RIN2: variants seen among roughly 807,000 people sequenced by gnomAD.
The protein encoded by RIN2 is Ras and Rab interactor 2.
In RIN2, 36 loss-of-function variants were observed where a neutral mutation model predicts 78.0. The observed-to-expected ratio is 0.46, with a 90% CI of 0.35 to 0.61. The LOEUF (loss-of-function observed/expected upper bound fraction) is 0.61, where lower values mean the gene tolerates loss of function less well. Ranked by LOEUF, RIN2 falls within the 20% of genes least tolerant of loss-of-function variation. RIN2 has a pLI of 0.00. For missense variants in RIN2, 1,087 were observed against 1,159.7 expected (o/e 0.94, Z 0.91); for synonymous variants, 466 against 466.8 (o/e 1.00, Z 0.02).
At chr20:19,836,621 A>G (rs1041404158) in intron 2 of RIN2, among the ~76,000 whole-genome samples, 1 of 152,052 alleles carries the variant, frequency 6.6e-6, no homozygotes, top group Non-Finnish European at 1.5e-5. Context: ...CTCTCCATTT[A>G]TCTAAATCTT....
intron 2 of RIN2, among the ~76,000 whole-genome samples, chr20:19,851,095 A>C (rs2036966768): frequency 6.6e-6 from 1 of 152,020 alleles, no homozygotes; most frequent in South Asian, 2.1e-4. Flanking sequence ...GTAGGAAGGA[A>C]GGAAAGAGAA....
chr20:19,757,938 G>A (rs2033438050), upstream of RIN2: 1 of 152,382 alleles, frequency 6.6e-6, no homozygotes, highest in Non-Finnish European at 1.5e-5. Flanking sequence ...CCTTGTAACA[G>A]GGTAAGCGTA....
At chr20:19,889,872 C>T (rs2038366442) in intron 3 of RIN2, among the ~76,000 whole-genome samples, 1 of 152,150 alleles carries the variant, frequency 6.6e-6, no homozygotes, top group South Asian at 2.1e-4. Flanking sequence ...AGGACTCGGG[C>T]ACGGAGAGGG....
At chr20:19,761,040 G>A (rs1234844945) in intron 1 of RIN2, among the ~76,000 whole-genome samples, 1 of 152,218 alleles carries the variant, frequency 6.6e-6, no homozygotes, top group East Asian at 1.9e-4. Flanking sequence ...GTGTCCCTTT[G>A]TCAAGGCATT....
chr20:19,873,217 T>G (rs373280171), intron 2 of RIN2, among the ~76,000 whole-genome samples: 17 of 152,252 alleles, frequency 1.1e-4, no homozygotes, highest in African/African-American at 4.1e-4. Context: ...CTTGATCTCC[T>G]GGGCTCAGGT....
At chr20:19,862,504 A>G (rs1197473073) in intron 2 of RIN2, among the ~76,000 whole-genome samples, 2 of 152,168 alleles carry the variant, frequency 1.3e-5, no homozygotes, top group African/African-American at 2.4e-5. Context: ...GAGGCAGGAG[A>G]ATCGCTTAAA....
intron 1 of RIN2, among the ~76,000 whole-genome samples, chr20:19,774,230 C>G (rs1244348129): frequency 6.6e-6 from 1 of 152,114 alleles, no homozygotes; most frequent in Non-Finnish European, 1.5e-5. Context: ...CTATCACCCC[C>G]GAGCAGCCAA....
intron 1 of RIN2, among the ~76,000 whole-genome samples, chr20:19,758,757 T>C (rs960659672): frequency 1.3e-5 from 2 of 152,108 alleles, no homozygotes; most frequent in African/African-American, 2.4e-5. Flanking sequence ...GGGCTGCCTG[T>C]GGGGTGTCAA....
rs1158098131 is a variant in RIN2 at position 19,760,829 on chromosome 20, C to A, written c.-163+2502C>A. On this transcript the variant is annotated intron_variant, in intron 1 of 12. Coordinates refer to ENST00000255006, the MANE Select transcript of RIN2 (RefSeq NM_018993.4). ...GTTTCAGCAAGAAAGATTTCCCCGA[C>A]CCTGTCCTCCTTTCCCCAGTAAGAC... Among the ~76,000 whole-genome samples, 4 of 152,312 alleles carry A rather than the reference C, an allele frequency of 2.6e-5. No homozygotes were observed. In the South Asian group the frequency reaches 8.3e-4, roughly 32 times the overall value.
chr20:19,764,516 C>G (rs1173707271), intron 1 of RIN2, among the ~76,000 whole-genome samples: 1 of 152,232 alleles, frequency 6.6e-6, no homozygotes, highest in African/African-American at 2.4e-5. Context: ...CATCATCTTG[C>G]TATCCAGACT....
chr20:19,925,725 T>G (rs1338282203), intron 3 of RIN2, among the ~76,000 whole-genome samples: 1 of 152,234 alleles, frequency 6.6e-6, no homozygotes, highest in Non-Finnish European at 1.5e-5. Context: ...TGCTTAAATG[T>G]TTGATAATAT....
intron 6 of RIN2, among the ~76,000 whole-genome samples, chr20:19,963,673 G>A (rs1286414138): frequency 4.0e-5 from 6 of 151,328 alleles, no homozygotes; most frequent in South Asian, 2.1e-4. Context: ...GAAACACATC[G>A]GATTGAGGAA....
chr20:19,772,879 G>T (rs911270690), intron 1 of RIN2, among the ~76,000 whole-genome samples: 1 of 151,888 alleles, frequency 6.6e-6, no homozygotes, highest in African/African-American at 2.4e-5. Context: ...TCAAACACCA[G>T]GACCTACACT....
intron 2 of RIN2, among the ~76,000 whole-genome samples, chr20:19,811,670 G>C (rs1335220402): frequency 6.6e-6 from 1 of 152,114 alleles, no homozygotes; most frequent in Non-Finnish European, 1.5e-5. Flanking sequence ...GGAGAAATGA[G>C]ATCTTTTCGT....
intron 2 of RIN2, among the ~76,000 whole-genome samples, chr20:19,807,142 G>T (rs1360598520): frequency 1.3e-5 from 2 of 152,244 alleles, no homozygotes; most frequent in Non-Finnish European, 2.9e-5. Context: ...GGAAGCCCAA[G>T]AAACCTTGTA....
chr20:19,936,641 T>G (rs1220315852), intron 4 of RIN2, among the ~76,000 whole-genome samples: 1 of 152,186 alleles, frequency 6.6e-6, no homozygotes, highest in African/African-American at 2.4e-5. Context: ...AAGGACGTTC[T>G]GAACATGTGA....
chr20:19,852,246 A>G (rs2037006193), intron 2 of RIN2, among the ~76,000 whole-genome samples: 1 of 152,186 alleles, frequency 6.6e-6, no homozygotes, highest in Admixed American at 6.5e-5. Flanking sequence ...AGAAGGGTAA[A>G]GAATTGAAGG....
At chr20:19,800,390 G>A (rs1039193021) in intron 2 of RIN2, among the ~76,000 whole-genome samples, 4 of 152,196 alleles carry the variant, frequency 2.6e-5, no homozygotes, top group African/African-American at 9.6e-5. Context: ...CAAGTGGAGA[G>A]GTCTATTTTC....
chr20:19,991,888 C>A (rs1190546777), intron 10 of RIN2, among the ~76,000 whole-genome samples: 1 of 152,188 alleles, frequency 6.6e-6, no homozygotes, highest in East Asian at 1.9e-4. Context: ...GTATTCTGTT[C>A]TATCACATAA....
Sources: gnomAD v4.1 joint callset for allele counts (sites outside exome capture counted in the v4.1 genomes callset) on GRCh38, gnomAD v4.1.1 for gene constraint, MANE v1.5 for transcripts, NCBI Gene and HGNC (gene_info 2026-07-23, HGNC 2026-07-21) for gene names.